CLOCK: variants seen among roughly 807,000 people sequenced by gnomAD.
CLOCK encodes clock circadian regulator.
CLOCK carries 43 observed loss-of-function variants against 118.4 expected under a neutral mutation model. The ratio of observed to expected loss-of-function variants is 0.36; its 90% CI spans 0.28 to 0.47. The LOEUF is 0.47. Ranked by LOEUF, CLOCK falls within the 20% of genes least tolerant of loss-of-function variation. The pLI is 1.00. For missense variants in CLOCK, 846 were observed against 999.9 expected, an observed-to-expected ratio of 0.85 and a Z score of 2.08; for synonymous variants, 326 against 339.2, an observed-to-expected ratio of 0.96 and a Z score of 0.43.
chr4:55,470,929 T>C lies in CLOCK; in HGVS notation c.349-123A>G, dbSNP rs921901351. On this transcript the variant is annotated intron_variant, in intron 7 of 22. Coordinates refer to ENST00000513440, the MANE Select transcript of CLOCK (RefSeq NM_004898.4). ...AAATATCCAAAGTTCTGTCAAAATA[T>C]AATACTAGCTTTCCCCCTTTACAAT... 5.8e-5 allele frequency: 40 copies of C among 687,352 alleles called. 1 individual carries two copies. Among genetic ancestry groups the C allele is most frequent in the South Asian group, 1.4e-4 (8 of 58,892 alleles). 42.6% of individuals were successfully genotyped at this position (687,352 alleles called of 1,614,324 possible).
chr4:55,528,538 A>G (rs767545451), intron 1 of CLOCK, among the ~76,000 whole-genome samples: 1 of 152,116 alleles, frequency 6.6e-6, no homozygotes, highest in Non-Finnish European at 1.5e-5. Context: ...AAAAACAAAC[A>G]AAAAAGAATA....
chr4:55,527,587 A>C (rs569747296), intron 1 of CLOCK, among the ~76,000 whole-genome samples: 1 of 152,198 alleles, frequency 6.6e-6, no homozygotes, highest in Non-Finnish European at 1.5e-5. Context: ...ATTTTAAAAG[A>C]CTAAAAAAAC....
intron 21 of CLOCK, 197 bp downstream of exon 21, chr4:55,442,235 A>T (rs1723428368): frequency 1.7e-6 from 1 of 577,690 alleles, no homozygotes. Context: ...CAAGAAAAAA[A>T]ATTTGTTGTT....
At chr4:55,435,645 CACATA>C in intron 22 of CLOCK, 51 bp from the exon 23 acceptor site, 1 of 1,575,128 alleles carries the variant, frequency 6.3e-7, no homozygotes, top group Non-Finnish European at 8.7e-7. Context: ...TTATGGCACC[CACATA>C]ATAGTTACTC....
At position 55,435,925 on chromosome 4, in the gene CLOCK, T is replaced by C. The variant is rs73151862; in HGVS notation, c.2362-331A>G. Among the ~76,000 whole-genome samples, 561 of 152,346 alleles carry C rather than the reference T, an allele frequency of 3.7e-3. 4 individuals carry two copies. Among genetic ancestry groups the C allele is most frequent in the African/African-American group, 0.013 (535 of 41,580 alleles). On this transcript the variant is annotated intron_variant, in intron 22 of 22. Transcript: ENST00000513440. ...TATTTTAAATTACAAAATTTGAGCA[T>C]AGTTATGACTATATGAAAAACAAAT...
chr4:55,516,797 T>C (rs372896853), intron 1 of CLOCK, among the ~76,000 whole-genome samples: 56 of 152,218 alleles, frequency 3.7e-4, no homozygotes, highest in African/African-American at 1.3e-3. Context: ...TGTTGTAGTT[T>C]TACATGATTC....
chr4:55,539,330 T>C (rs1731102950), intron 1 of CLOCK, among the ~76,000 whole-genome samples: 1 of 151,830 alleles, frequency 6.6e-6, no homozygotes, highest in African/African-American at 2.4e-5. Context: ...ACCCAGCACT[T>C]TGGGAGGCCA....
At chr4:55,454,547 G>A (rs1237888638) in intron 13 of CLOCK, among the ~76,000 whole-genome samples, 2 of 147,928 alleles carry the variant, frequency 1.4e-5, no homozygotes, top group African/African-American at 5.0e-5. Flanking sequence ...CCCGGGAGGT[G>A]GAGGCTGCAG....
At chr4:55,440,038 A>G (rs2109661853) in intron 21 of CLOCK, among the ~76,000 whole-genome samples, 1 of 152,316 alleles carries the variant, frequency 6.6e-6, no homozygotes, top group Admixed American at 6.5e-5. Flanking sequence ...ATCTATAAAA[A>G]AAAACCTTTT....
intron 2 of CLOCK, among the ~76,000 whole-genome samples, chr4:55,507,392 C>T (rs1426001925): frequency 6.6e-6 from 1 of 152,068 alleles, no homozygotes; most frequent in African/African-American, 2.4e-5. Context: ...GTTGGGGGAA[C>T]ACCTGAGGTC....
Position 55,428,826 on chromosome 4 carries a change from A to C in CLOCK, c.*6589T>G, listed in dbSNP as rs1261917974. The C allele has an allele frequency of 2.0e-5, 3 of 151,586 alleles. No individual in the cohort carries two copies. The highest frequency in any genetic ancestry group is 7.3e-5 in the African/African-American group (3 of 41,302). The allele number at this position is 151,586 out of a possible 1,614,324, so 9.4% of individuals were successfully genotyped here. On this transcript the variant is annotated 3_prime_UTR_variant, in exon 23 of 23. Coordinates refer to ENST00000513440, the MANE Select transcript of CLOCK (RefSeq NM_004898.4). Reference sequence around the variant, plus strand: ...TTGCACTGACTGGTTTCAATACAGCACTGAATTTAACTCATCTTTGGGCTT... The same window carrying C: ...TTGCACTGACTGGTTTCAATACAGCCCTGAATTTAACTCATCTTTGGGCTT...
In CLOCK at chr4:55,453,738, TATA is replaced by T; in HGVS notation, c.1066_1068del (p.Tyr356del). 6.2e-7 allele frequency: 1 copy of T among 1,610,922 alleles called. No individual in the cohort carries two copies. The highest frequency in any genetic ancestry group is 8.5e-7 in the Non-Finnish European group (1 of 1,177,862). The stretch of plus-strand genomic sequence containing the variant: ...CTTGAATTCCACTGATGGTAAGTGA[TATA>T]ATAATGAGTCTGAAGCCAAATCCAC... On this transcript the variant is annotated inframe_deletion, in exon 14 of 23. Coordinates refer to ENST00000513440, the MANE Select transcript of CLOCK (RefSeq NM_004898.4).
chr4:55,437,524 G>C (rs1348316150), intron 22 of CLOCK, among the ~76,000 whole-genome samples: 2 of 152,198 alleles, frequency 1.3e-5, no homozygotes, highest in African/African-American at 4.8e-5. Context: ...AATGATATCT[G>C]TGTCTATATT....
intron 7 of CLOCK, among the ~76,000 whole-genome samples, chr4:55,472,283 G>A (rs1726202097): frequency 6.6e-6 from 1 of 152,128 alleles, no homozygotes; most frequent in Non-Finnish European, 1.5e-5. Flanking sequence ...ACTACAATGA[G>A]TTTAAAAATG....
chr4:55,435,644 C>T (rs1722818751), intron 22 of CLOCK, 50 bp from the exon 23 acceptor site: 2 of 1,579,028 alleles, frequency 1.3e-6, no homozygotes, highest in East Asian at 4.5e-5. Flanking sequence ...TTTATGGCAC[C>T]CACATAATAG....
At chr4:55,517,722 C>A (rs927125969) in intron 1 of CLOCK, among the ~76,000 whole-genome samples, 1 of 152,122 alleles carries the variant, frequency 6.6e-6, no homozygotes, top group Admixed American at 6.5e-5. Flanking sequence ...GTGAAACCAA[C>A]TGGGCCTAGA....
intron 1 of CLOCK, among the ~76,000 whole-genome samples, chr4:55,533,884 C>T (rs1303843948): frequency 1.3e-5 from 2 of 152,174 alleles, no homozygotes; most frequent in East Asian, 1.9e-4. Flanking sequence ...GCCTGGGCAA[C>T]AGAGTGAGAC....
intron 3 of CLOCK, among the ~76,000 whole-genome samples, chr4:55,485,695 G>T (rs1727254411): frequency 6.6e-6 from 1 of 152,136 alleles, no homozygotes; most frequent in African/African-American, 2.4e-5. Context: ...ATCAGTTGCA[G>T]TTACTGGAAT....
At chr4:55,488,306 C>A (rs921018185) in intron 3 of CLOCK, among the ~76,000 whole-genome samples, 1 of 152,176 alleles carries the variant, frequency 6.6e-6, no homozygotes, top group African/African-American at 2.4e-5. Context: ...GTATACACTT[C>A]CTAGATAAAT....
Sources: allele counts gnomAD v4.1 joint callset (sites outside exome capture counted in the v4.1 genomes callset), GRCh38; gene constraint gnomAD v4.1.1; transcripts MANE v1.5; gene names NCBI Gene and HGNC (gene_info 2026-07-23, HGNC 2026-07-21).